LRRC7: variants seen among roughly 807,000 people sequenced by gnomAD.
LRRC7 encodes the protein leucine rich repeat containing 7, also known as leucine-rich repeat-containing protein 7.
In LRRC7, 23 loss-of-function variants were observed where a neutral mutation model predicts 175.7. The observed-to-expected ratio is 0.13, with a 90% CI of 0.09 to 0.19. The LOEUF is 0.19. Ranked by LOEUF, LRRC7 falls within the 10% of genes least tolerant of loss-of-function variation. The pLI is 1.00. For synonymous variants in LRRC7, 685 were observed against 680.9 expected (o/e 1.01, Z -0.09); for missense variants, 1,354 against 1,904.7 (o/e 0.71, Z 5.38).
At chr1:69,742,916 G>T (rs1432605247) in intron 2 of LRRC7, among the ~76,000 whole-genome samples, 9 of 151,968 alleles carry the variant, frequency 5.9e-5, no homozygotes. Flanking sequence ...AGAATAACAA[G>T]ATATTCTGTT....
intron 4 of LRRC7, among the ~76,000 whole-genome samples, chr1:69,801,121 A>G (rs1264029965): frequency 6.6e-6 from 1 of 151,670 alleles, no homozygotes; most frequent in African/African-American, 2.4e-5. Context: ...GATTTTGTTT[A>G]CTAGTATTTT....
At chr1:69,694,130 G>C (rs1662254851) in intron 2 of LRRC7, among the ~76,000 whole-genome samples, 1 of 152,090 alleles carries the variant, frequency 6.6e-6, no homozygotes, top group Admixed American at 6.6e-5. Context: ...TGTTCTGCCT[G>C]CCTTTTCCAA....
intron 7 of LRRC7, chr1:69,879,851 C>G (rs1184194159): frequency 2.0e-5 from 3 of 152,240 alleles, no homozygotes; most frequent in Admixed American, 6.5e-5. Flanking sequence ...AGGTTAAGGA[C>G]TGCAGATTCA....
At chr1:69,580,135 T>C (rs1180009754) in intron 1 of LRRC7, among the ~76,000 whole-genome samples, 1 of 152,130 alleles carries the variant, frequency 6.6e-6, no homozygotes, top group African/African-American at 2.4e-5. Context: ...GGGGAGTTGT[T>C]TGTTAATAGA....
chr1:69,833,504 A>G (rs180938844), intron 5 of LRRC7, among the ~76,000 whole-genome samples: 6 of 152,252 alleles, frequency 3.9e-5, no homozygotes, highest in African/African-American at 1.4e-4. Flanking sequence ...TTATACGTAT[A>G]TGTACGTACA....
At chr1:70,099,408 G>A (rs1473634697) in intron 25 of LRRC7, among the ~76,000 whole-genome samples, 1 of 140,518 alleles carries the variant, frequency 7.1e-6, no homozygotes, top group African/African-American at 2.7e-5. Context: ...TTGAAAACTG[G>A]CACAAGACAG....
chr1:69,905,071 T>C (rs1280667623), intron 7 of LRRC7, among the ~76,000 whole-genome samples: 2 of 152,188 alleles, frequency 1.3e-5, no homozygotes, highest in Non-Finnish European at 2.9e-5. Context: ...CTTTATTCTA[T>C]CTACCATTGA....
chr1:69,783,181 C>T (rs1199869604), intron 3 of LRRC7, among the ~76,000 whole-genome samples: 1 of 152,160 alleles, frequency 6.6e-6, no homozygotes, highest in African/African-American at 2.4e-5. Flanking sequence ...TCCCTACCTC[C>T]CCATCCCCAC....
intron 2 of LRRC7, among the ~76,000 whole-genome samples, chr1:69,734,455 A>T (rs1667900657): frequency 6.6e-6 from 1 of 151,984 alleles, no homozygotes; most frequent in African/African-American, 2.4e-5. Flanking sequence ...CTGAGTGAAT[A>T]AGAGGTATAT....
chr1:70,074,932 C>T (rs1289559181), intron 23 of LRRC7, among the ~76,000 whole-genome samples: 1 of 152,074 alleles, frequency 6.6e-6, no homozygotes, highest in African/African-American at 2.4e-5. Flanking sequence ...ATTACTCCAA[C>T]CTAACGTTTT....
intron 8 of LRRC7, among the ~76,000 whole-genome samples, chr1:69,947,062 C>T (rs184066978): frequency 2.0e-5 from 3 of 151,982 alleles, no homozygotes; most frequent in African/African-American, 7.2e-5. Flanking sequence ...GAGGCAAGAT[C>T]ATGCCACTGC....
At chr1:69,949,255 A>T in intron 8 of LRRC7, among the ~76,000 whole-genome samples, 1 of 152,110 alleles carries the variant, frequency 6.6e-6, no homozygotes, top group East Asian at 1.9e-4. Flanking sequence ...TTACATTTAC[A>T]TGTATGTGCA....
chr1:69,805,667 T>C (rs1677034462), intron 4 of LRRC7, among the ~76,000 whole-genome samples: 1 of 151,916 alleles, frequency 6.6e-6, no homozygotes, highest in Non-Finnish European at 1.5e-5. Context: ...AAACTGAGGA[T>C]TGACTCCTTC....
chr1:69,612,461 A>T (rs1236569161), intron 1 of LRRC7, among the ~76,000 whole-genome samples: 1 of 152,044 alleles, frequency 6.6e-6, no homozygotes, highest in Non-Finnish European at 1.5e-5. Flanking sequence ...ACTGGGTTTT[A>T]TTACTAGAAA....
At position 69,592,639 on chromosome 1, in the gene LRRC7, G is replaced by T. The variant is rs536008334; in HGVS notation, c.2+23998G>T. Among the ~76,000 whole-genome samples, 6 of 152,042 alleles carry T rather than the reference G, an allele frequency of 3.9e-5. No homozygotes were observed. The South Asian group carries it at 6.2e-4, about 16-fold the overall frequency. On this transcript the variant is annotated intron_variant, in intron 1 of 26. Coordinates refer to ENST00000651989, the MANE Select transcript of LRRC7 (RefSeq NM_001370785.2). ...TAGCTGAGCATTTAGGGGAAATTGT[G>T]GAAATTTAAGAACGTATCATAGGAG... is the stretch of plus-strand genomic sequence containing the variant.
intron 1 of LRRC7, among the ~76,000 whole-genome samples, chr1:69,671,961 G>A (rs1311381442): frequency 6.6e-6 from 1 of 152,090 alleles, no homozygotes. Context: ...TTAAAACCAA[G>A]CACTGTGAGT....
Position 70,124,601 on chromosome 1 carries a change from C to T in LRRC7, c.*2714C>T, listed in dbSNP as rs1312252969. Among the ~76,000 whole-genome samples the T allele has an allele frequency of 6.6e-6, 1 of 151,912 alleles. No homozygotes were observed. The highest frequency in any genetic ancestry group is 6.6e-5 in the Admixed American group (1 of 15,230). On this transcript the variant is annotated 3_prime_UTR_variant, in exon 27 of 27. Transcript: ENST00000651989. ...AGGTTGACTGAATAGAATCACTAAA[C>T]ACTTGAGGGGTATAAACCTCACTAA...
intron 7 of LRRC7, among the ~76,000 whole-genome samples, chr1:69,853,052 A>G (rs114771057): frequency 0.027 from 4,142 of 152,200 alleles, 118 homozygotes; most frequent in Admixed American, 0.083. Context: ...CAAAATCTTT[A>G]AGTCATCCCT....
chr1:69,858,307 C>T, intron 7 of LRRC7, among the ~76,000 whole-genome samples: 1 of 152,124 alleles, frequency 6.6e-6, no homozygotes, highest in Admixed American at 6.5e-5. Flanking sequence ...AAGAAACTAT[C>T]ATCAGAGTGA....
Sources: gnomAD v4.1 joint callset for allele counts (sites outside exome capture counted in the v4.1 genomes callset) on GRCh38, gnomAD v4.1.1 for gene constraint, MANE v1.5 for transcripts, NCBI Gene and HGNC (gene_info 2026-07-23, HGNC 2026-07-21) for gene names.